Variants in AKAP19 observed in about 807,000 individuals in gnomAD.
The protein encoded by AKAP19 is small A-kinase anchoring protein.
At chr2:189,969,147 C>A in the AKAP19 span, among the ~76,000 whole-genome samples, 1 of 151,778 alleles carries the variant, frequency 6.6e-6, no homozygotes, top group Non-Finnish European at 1.5e-5. Context: ...GTGTTTTTTT[C>A]CCCAAAATCA....
At chr2:189,999,851 T>C in the AKAP19 span, among the ~76,000 whole-genome samples, 1 of 152,198 alleles carries the variant, frequency 6.6e-6, no homozygotes, top group Non-Finnish European at 1.5e-5. Flanking sequence ...TTGTCTAAAG[T>C]TTAACTTTGT....
the AKAP19 span, among the ~76,000 whole-genome samples, chr2:190,136,229 C>G: frequency 6.6e-6 from 1 of 152,114 alleles, no homozygotes; most frequent in African/African-American, 2.4e-5. Flanking sequence ...CCTCTTAATT[C>G]CAAACTTAAA....
At chr2:190,140,513 C>T in the AKAP19 span, among the ~76,000 whole-genome samples, 1 of 152,210 alleles carries the variant, frequency 6.6e-6, no homozygotes, top group Non-Finnish European at 1.5e-5. Flanking sequence ...TCCTTGACTT[C>T]TGTGCACCTG....
chr2:190,010,833 A>G, the AKAP19 span, among the ~76,000 whole-genome samples: 111 of 152,288 alleles, frequency 7.3e-4, no homozygotes, highest in African/African-American at 2.5e-3. Flanking sequence ...TATTAAATCA[A>G]GCTAGTTAAT....
chr2:190,112,265 T>C, the AKAP19 span, among the ~76,000 whole-genome samples: 1 of 152,216 alleles, frequency 6.6e-6, no homozygotes, highest in Non-Finnish European at 1.5e-5. Context: ...TGTTGATTTA[T>C]GTAGGGAGAC....
the AKAP19 span, among the ~76,000 whole-genome samples, chr2:189,939,831 A>T: frequency 1.3e-5 from 2 of 152,168 alleles, no homozygotes; most frequent in African/African-American, 4.8e-5. Context: ...AGGATCAGCA[A>T]GCTGTAAACA....
At chr2:189,994,716 A>C in the AKAP19 span, among the ~76,000 whole-genome samples, 2 of 151,954 alleles carry the variant, frequency 1.3e-5, no homozygotes, top group Non-Finnish European at 2.9e-5. Flanking sequence ...CTCCTCCCTC[A>C]GCCTTCCGAG....
At chr2:190,105,532 T>C in the AKAP19 span, among the ~76,000 whole-genome samples, 1 of 152,348 alleles carries the variant, frequency 6.6e-6, no homozygotes, top group South Asian at 2.1e-4. Flanking sequence ...GACTGAGCTC[T>C]TTGTTGAAAA....
chr2:190,155,369 C>T, the AKAP19 span, among the ~76,000 whole-genome samples: 2 of 151,842 alleles, frequency 1.3e-5, no homozygotes, highest in South Asian at 4.2e-4. Flanking sequence ...AGGAGCCTCT[C>T]CACAGGAAGA....
At chr2:190,196,178 G>T in the AKAP19 span, among the ~76,000 whole-genome samples, 3 of 151,724 alleles carry the variant, frequency 2.0e-5, no homozygotes, top group Non-Finnish European at 4.4e-5. Flanking sequence ...TCTTCTTCTG[G>T]GTTAAACGTA....
At chr2:190,201,531 T>G in the AKAP19 span, 1 of 167,078 alleles carries the variant, frequency 6.0e-6, no homozygotes, top group Admixed American at 6.5e-5. Context: ...ACCTCTTTAA[T>G]GAGATAAATA....
At chr2:189,923,083 G>A in the AKAP19 span, among the ~76,000 whole-genome samples, 4 of 152,274 alleles carry the variant, frequency 2.6e-5, no homozygotes, top group South Asian at 2.1e-4. Flanking sequence ...CATGGGAGGC[G>A]GAGGTTGCAG....
At chr2:190,094,828 T>A in the AKAP19 span, among the ~76,000 whole-genome samples, 1 of 152,208 alleles carries the variant, frequency 6.6e-6, no homozygotes, top group African/African-American at 2.4e-5. Flanking sequence ...ATTTTATAGA[T>A]AACTTTAAGT....
chr2:189,984,283 T>G, the AKAP19 span, among the ~76,000 whole-genome samples: 1 of 152,016 alleles, frequency 6.6e-6, no homozygotes, highest in African/African-American at 2.4e-5. Context: ...AGGTACACCC[T>G]GGGGGGGCCA....
chr2:189,912,978 T>A, the AKAP19 span, among the ~76,000 whole-genome samples: 107,155 of 152,080 alleles, frequency 0.7, 42,561 homozygotes, highest in Non-Finnish European at 0.89. Context: ...TATTTTAATT[T>A]AAAATCATCT....
At chr2:189,921,379 G>T in the AKAP19 span, among the ~76,000 whole-genome samples, 1 of 152,190 alleles carries the variant, frequency 6.6e-6, no homozygotes, top group Non-Finnish European at 1.5e-5. Flanking sequence ...GGTCAAATAA[G>T]ATGAAGACAA....
the AKAP19 span, among the ~76,000 whole-genome samples, chr2:189,971,199 G>T: frequency 6.6e-6 from 1 of 152,026 alleles, no homozygotes. Context: ...TGTTCTCATT[G>T]TTCAATTCCC....
At chr2:190,160,727 T>C in the AKAP19 span, among the ~76,000 whole-genome samples, 1 of 152,092 alleles carries the variant, frequency 6.6e-6, no homozygotes, top group Non-Finnish European at 1.5e-5. Flanking sequence ...GAAGAAACTT[T>C]GAAAAATTAA....
chr2:189,901,313 G>A, the AKAP19 span, among the ~76,000 whole-genome samples: 25 of 151,982 alleles, frequency 1.6e-4, no homozygotes, highest in South Asian at 2.9e-3. Flanking sequence ...AATTACGTAA[G>A]TAGATATTTA....
Sources: allele counts gnomAD v4.1 joint callset (sites outside exome capture counted in the v4.1 genomes callset), GRCh38; gene constraint gnomAD v4.1.1; transcripts MANE v1.5; gene names NCBI Gene and HGNC (gene_info 2026-07-23, HGNC 2026-07-21).